DCUN1D4: variants seen among roughly 807,000 people sequenced by gnomAD.
The protein encoded by DCUN1D4 is defective in cullin neddylation 1 domain containing 4.
Under a neutral mutation model 47.9 loss-of-function variants are expected in DCUN1D4, and 22 were observed. That is an observed-to-expected ratio of 0.46 (90% CI 0.33 to 0.66). DCUN1D4 has a LOEUF of 0.66. Among genes scored for constraint, DCUN1D4 ranks in the 30% least tolerant of loss-of-function variants. DCUN1D4 has a pLI of 0.02. For missense variants in DCUN1D4, 301 were observed against 340.8 expected (o/e 0.88, Z 0.92); for synonymous variants, 121 against 112.2 (o/e 1.08, Z -0.50).
At chr4:51,852,966 A>C (rs1723586252) in intron 1 of DCUN1D4, among the ~76,000 whole-genome samples, 1 of 152,110 alleles carries the variant, frequency 6.6e-6, no homozygotes, top group African/African-American at 2.4e-5. Context: ...ACTGTGAACT[A>C]CCCAGTGATT....
chr4:51,881,509 T>G lies in DCUN1D4; in HGVS notation c.343+3655T>G, dbSNP rs188280240. Among the ~76,000 whole-genome samples, 944 of 152,216 alleles carry G rather than the reference T, an allele frequency of 6.2e-3. 24 individuals carry two copies. Among genetic ancestry groups the G allele is most frequent in the Admixed American group, 0.053 (814 of 15,286 alleles). On this transcript the variant is annotated intron_variant, in intron 5 of 10. Transcript: ENST00000334635. ...ATGGGGCCATTATGAAAAGGTCAAA[T>G]ATCTTTAGTTAGGGGCCCCTGCTTA... is the stretch of plus-strand genomic sequence containing the variant.
At chr4:51,905,026 G>A (rs1222947604) in intron 8 of DCUN1D4, among the ~76,000 whole-genome samples, 1 of 152,112 alleles carries the variant, frequency 6.6e-6, no homozygotes, top group African/African-American at 2.4e-5. Context: ...ACCAGAAAAT[G>A]ATAAAATAGC....
intron 5 of DCUN1D4, among the ~76,000 whole-genome samples, chr4:51,883,673 T>A (rs1399680588): frequency 6.6e-6 from 1 of 152,178 alleles, no homozygotes; most frequent in African/African-American, 2.4e-5. Flanking sequence ...ATGATTAAAT[T>A]ATTTTACACT....
At chr4:51,889,731 A>G (rs1730130166) in intron 6 of DCUN1D4, among the ~76,000 whole-genome samples, 1 of 152,222 alleles carries the variant, frequency 6.6e-6, no homozygotes, top group African/African-American at 2.4e-5. Context: ...ATCGATATAC[A>G]AGAGTCAGAA....
the DCUN1D4 span, among the ~76,000 whole-genome samples, chr4:51,835,723 C>T: frequency 6.6e-6 from 1 of 151,868 alleles, no homozygotes; most frequent in South Asian, 2.1e-4. Flanking sequence ...TGAGGGAATG[C>T]CATGATGAGA....
chr4:51,859,004 A>G (rs962316621), intron 1 of DCUN1D4, among the ~76,000 whole-genome samples: 1 of 152,172 alleles, frequency 6.6e-6, no homozygotes, highest in East Asian at 1.9e-4. Context: ...TTCTTTTTCA[A>G]CAATTTCTTG....
chr4:51,848,201 G>A (rs1404960009), intron 1 of DCUN1D4: 1 of 1,288,192 alleles, frequency 7.8e-7, no homozygotes, highest in African/African-American at 1.5e-5. Flanking sequence ...TTTCAAACAT[G>A]CAGATATCAG....
chr4:51,894,754 CTAAT>C (rs1397242036), intron 7 of DCUN1D4, among the ~76,000 whole-genome samples: 1 of 152,110 alleles, frequency 6.6e-6, no homozygotes, highest in East Asian at 1.9e-4. Context: ...TTAAACCTAT[CTAAT>C]GAAATATTTT....
chr4:51,838,648 G>A (rs1721555631), upstream of DCUN1D4, among the ~76,000 whole-genome samples: 1 of 152,186 alleles, frequency 6.6e-6, no homozygotes, highest in Non-Finnish European at 1.5e-5. Context: ...CTCCGAAAGT[G>A]CTGGGGTTTC....
intron 1 of DCUN1D4, among the ~76,000 whole-genome samples, chr4:51,861,463 TATATAAAGG>T (rs1435099179): frequency 6.6e-6 from 1 of 152,188 alleles, no homozygotes; most frequent in Non-Finnish European, 1.5e-5. Flanking sequence ...CTTCCACATT[TATATAAAGG>T]AGGGAGAAAG....
chr4:51,843,078 G>A, upstream of DCUN1D4: 1 of 1,405,044 alleles, frequency 7.1e-7, no homozygotes, highest in South Asian at 1.5e-5. Context: ...ACGCAGCAGG[G>A]CGGCCCCTGA....
intron 3 of DCUN1D4, among the ~76,000 whole-genome samples, chr4:51,871,195 C>CA (rs985130162): frequency 2.7e-5 from 4 of 149,732 alleles, no homozygotes; most frequent in African/African-American, 9.8e-5. Flanking sequence ...ATGACAGAAT[C>CA]ACTGGGATGA....
intron 3 of DCUN1D4, among the ~76,000 whole-genome samples, chr4:51,868,196 T>G (rs1294589423): frequency 2.0e-5 from 3 of 152,138 alleles, no homozygotes; most frequent in African/African-American, 7.2e-5. Context: ...TCCTTGAGAG[T>G]GCAGGGATGC....
In DCUN1D4 at chr4:51,916,416, T is replaced by C. The variant is rs745939515; in HGVS notation, c.*2832T>C. On this transcript the variant is annotated 3_prime_UTR_variant, in exon 11 of 11. Transcript: ENST00000334635. ...CCATTTTAACAGTGCTTTTGAAGTT[T>C]ATACAGAAAGCTTTAAAAGTTAGTT... 1.7e-4 allele frequency: 26 copies of C among 152,588 alleles called. No individual in the cohort carries two copies. Among genetic ancestry groups the C allele is most frequent in the Admixed American group, 1.5e-3 (23 of 15,266 alleles). The allele number at this position is 152,588 out of a possible 1,614,324, so 9.5% of individuals were successfully genotyped here.
intron 6 of DCUN1D4, chr4:51,886,909 A>T: frequency 2.3e-6 from 1 of 439,698 alleles, no homozygotes; most frequent in Non-Finnish European, 4.2e-6. Context: ...TGGTGTGGCC[A>T]CATGTGCCTA....
At chr4:51,896,798 TG>T (rs1426436919) in intron 7 of DCUN1D4, among the ~76,000 whole-genome samples, 1 of 152,102 alleles carries the variant, frequency 6.6e-6, no homozygotes, top group Non-Finnish European at 1.5e-5. Context: ...AGATCAAGAG[TG>T]AGCTTGTCAA....
At chr4:51,900,467 C>T (rs1731938817) in intron 8 of DCUN1D4, among the ~76,000 whole-genome samples, 1 of 152,154 alleles carries the variant, frequency 6.6e-6, no homozygotes, top group Non-Finnish European at 1.5e-5. Context: ...GATGCAGTGG[C>T]TCATACCTGT....
chr4:51,868,099 G>C (rs1174926895), intron 3 of DCUN1D4, among the ~76,000 whole-genome samples: 1 of 152,232 alleles, frequency 6.6e-6, no homozygotes, highest in East Asian at 1.9e-4. Flanking sequence ...ACTTTACTCT[G>C]ATAACGGACA....
At chr4:51,887,264 G>A in intron 6 of DCUN1D4, 1 of 339,706 alleles carries the variant, frequency 2.9e-6, no homozygotes, top group Non-Finnish European at 5.8e-6. Flanking sequence ...ACCATGCTTG[G>A]CTAATGTTTT....
Sources: allele counts gnomAD v4.1 joint callset (sites outside exome capture counted in the v4.1 genomes callset), GRCh38; gene constraint gnomAD v4.1.1; transcripts MANE v1.5; gene names NCBI Gene and HGNC (gene_info 2026-07-23, HGNC 2026-07-21).